Variants in PCLO observed in about 807,000 individuals in gnomAD.
PCLO encodes the protein piccolo presynaptic cytomatrix protein.
A neutral mutation model predicts 427.5 loss-of-function variants in PCLO; 82 were observed. That is an observed-to-expected ratio of 0.19 (90% CI 0.16 to 0.23). The LOEUF (loss-of-function observed/expected upper bound fraction) is 0.23, where lower values mean the gene tolerates loss of function less well. Among genes scored for constraint, PCLO ranks in the 10% least tolerant of loss-of-function variants. The pLI is 1.00. For missense variants in PCLO, 6,239 were observed against 6,115.9 expected (o/e 1.02, Z -0.67); for synonymous variants, 2,357 against 2,155.4 (o/e 1.09, Z -2.59).
intron 2 of PCLO, among the ~76,000 whole-genome samples, chr7:83,147,058 A>T (rs1386701828): frequency 2.7e-5 from 4 of 146,934 alleles, no homozygotes; most frequent in African/African-American, 5.0e-5. Context: ...CTGAAGGTAT[A>T]AAAAAAAAAT....
At chr7:82,821,417 G>A (rs774215334) in intron 20 of PCLO, 25 of 985,500 alleles carry the variant, frequency 2.5e-5, no homozygotes, top group Non-Finnish European at 2.9e-5. Context: ...GTTTTCAAAT[G>A]CCAAAATGAC....
chr7:82,987,332 G>A (rs2115816076), intron 3 of PCLO, among the ~76,000 whole-genome samples: 1 of 151,988 alleles, frequency 6.6e-6, no homozygotes, highest in African/African-American at 2.4e-5. Context: ...TGAGTTCTGG[G>A]GGACTTAAGT....
At chr7:82,763,667 T>A (rs991798574) in intron 22 of PCLO, among the ~76,000 whole-genome samples, 3 of 152,086 alleles carry the variant, frequency 2.0e-5, no homozygotes, top group Non-Finnish European at 4.4e-5. Flanking sequence ...ATCTATAACA[T>A]ATCTCTCCTC....
intron 3 of PCLO, among the ~76,000 whole-genome samples, chr7:83,006,333 A>C (rs149967973): frequency 4.0e-5 from 6 of 151,646 alleles, no homozygotes; most frequent in Non-Finnish European, 7.4e-5. Context: ...AACAGAAAAA[A>C]ATACTTGAAT....
intron 3 of PCLO, among the ~76,000 whole-genome samples, chr7:83,127,752 G>A (rs1295679352): frequency 6.6e-6 from 1 of 152,068 alleles, no homozygotes; most frequent in African/African-American, 2.4e-5. Context: ...GAAAAGAACA[G>A]AGGAATCATT....
At chr7:83,038,951 T>C (rs778816795) in intron 3 of PCLO, among the ~76,000 whole-genome samples, 25 of 152,196 alleles carry the variant, frequency 1.6e-4, no homozygotes, top group Non-Finnish European at 3.5e-4. Flanking sequence ...AGTATCTCAC[T>C]GTGGTTTTGA....
chr7:82,761,313 C>T, intron 23 of PCLO, 46 bp downstream of exon 23: 4 of 1,120,422 alleles, frequency 3.6e-6, no homozygotes, highest in South Asian at 1.6e-5. Context: ...AAGACACATC[C>T]CTAAAAAAAT....
intron 3 of PCLO, among the ~76,000 whole-genome samples, chr7:83,098,300 T>C (rs1340506667): frequency 8.4e-6 from 1 of 118,582 alleles, no homozygotes; most frequent in Non-Finnish European, 1.8e-5. Flanking sequence ...AGAGACACAG[T>C]AGGAGGTACT....
At chr7:82,927,836 T>G (rs1794749086) in intron 6 of PCLO, among the ~76,000 whole-genome samples, 1 of 152,160 alleles carries the variant, frequency 6.6e-6, no homozygotes, top group African/African-American at 2.4e-5. Flanking sequence ...TGCTTTCAAG[T>G]GCATACTATA....
chr7:82,848,984 T>C (rs1792578216), intron 10 of PCLO: 3 of 308,504 alleles, frequency 9.7e-6, no homozygotes, highest in South Asian at 8.2e-5. Flanking sequence ...TAAATAAAAA[T>C]ATAGCACGCT....
chr7:82,869,858 C>T (rs1793187538), intron 10 of PCLO, among the ~76,000 whole-genome samples: 1 of 151,702 alleles, frequency 6.6e-6, no homozygotes, highest in Non-Finnish European at 1.5e-5. Flanking sequence ...AAGATCTTTA[C>T]AATGGAAACT....
At chr7:83,056,212 T>C (rs1583965006) in intron 3 of PCLO, among the ~76,000 whole-genome samples, 2 of 152,190 alleles carry the variant, frequency 1.3e-5, no homozygotes, top group African/African-American at 4.8e-5. Context: ...TAATTATGCT[T>C]AGATTTTTAC....
At chr7:82,858,912 C>T (rs73383995) in intron 10 of PCLO, among the ~76,000 whole-genome samples, 3,168 of 152,210 alleles carry the variant, frequency 0.021, 122 homozygotes, top group African/African-American at 0.072. Context: ...AGATTAAATG[C>T]AATCCCTACC....
intron 10 of PCLO, among the ~76,000 whole-genome samples, chr7:82,860,069 A>G (rs190517775): frequency 2.4e-4 from 36 of 152,262 alleles, no homozygotes; most frequent in African/African-American, 7.9e-4. Context: ...GCACACCTAC[A>G]GGATCTAGGA....
At chr7:82,851,445 G>A (rs73171321) in intron 10 of PCLO, among the ~76,000 whole-genome samples, 6,702 of 151,500 alleles carry the variant, frequency 0.044, 211 homozygotes, top group Non-Finnish European at 0.067. Flanking sequence ...AATAACACGC[G>A]CACAAAATAA....
intron 6 of PCLO, among the ~76,000 whole-genome samples, chr7:82,930,077 A>G (rs1424632962): frequency 1.3e-5 from 2 of 152,212 alleles, no homozygotes; most frequent in African/African-American, 2.4e-5. Context: ...ATCTTAGAGA[A>G]TGCAGAGGAA....
Position 83,155,228 on chromosome 7 carries a change from T to C in PCLO, c.1413A>G (p.Ser471=), listed in dbSNP as rs1442838092. 3 of 1,612,986 alleles carry C rather than the reference T, an allele frequency of 1.9e-6. No homozygotes were observed. The highest frequency in any genetic ancestry group is 1.7e-5 in the Admixed American group (1 of 59,920). Residue 471 remains serine, a synonymous_variant, in exon 2 of 25, where the codon TCA becomes TCG. Transcript: ENST00000333891. The part of the protein sequence containing the change: ...AQQTGPTKPP[S]QLPGPAKPPP... ...GGGGCTTTGCTGGGCCAGGCAGTTG[T>C]GAAGGAGGCTTTGTTGGGCCAGTCT... is the stretch of plus-strand genomic sequence containing the variant.
At chr7:83,159,410 A>G (rs904662762) in intron 1 of PCLO, among the ~76,000 whole-genome samples, 1 of 152,064 alleles carries the variant, frequency 6.6e-6, no homozygotes, top group Non-Finnish European at 1.5e-5. Flanking sequence ...CTCATATGAT[A>G]TATCTGTAAC....
chr7:82,959,353 C>T (rs527383800), intron 4 of PCLO, among the ~76,000 whole-genome samples: 3 of 152,218 alleles, frequency 2.0e-5, no homozygotes, highest in East Asian at 3.9e-4. Context: ...CGTGAGCCAC[C>T]GTGCCTGGCC....
Sources: gnomAD v4.1 joint callset for allele counts (sites outside exome capture counted in the v4.1 genomes callset) on GRCh38, gnomAD v4.1.1 for gene constraint, MANE v1.5 for transcripts, NCBI Gene and HGNC (gene_info 2026-07-23, HGNC 2026-07-21) for gene names.